Variants in FMN1 observed in about 807,000 individuals in gnomAD.
FMN1 encodes formin 1.
A neutral mutation model predicts 132.4 loss-of-function variants in FMN1; 110 were observed. The ratio of observed to expected loss-of-function variants is 0.83; its 90% CI spans 0.71 to 0.97. The LOEUF (loss-of-function observed/expected upper bound fraction) is 0.97. FMN1 is among the 50% of genes least tolerant of loss of function. The pLI, the probability that FMN1 is intolerant of heterozygous loss-of-function variation, is 0.00. For synonymous variants in FMN1, 722 were observed against 651.7 expected (o/e 1.11, Z -1.64); for missense variants, 1,792 against 1,705.3 (o/e 1.05, Z -0.90).
At chr15:33,139,642 A>G (rs1023467488) in intron 4 of FMN1, among the ~76,000 whole-genome samples, 2 of 152,198 alleles carry the variant, frequency 1.3e-5, no homozygotes, top group East Asian at 1.9e-4. Context: ...TTGAAACTCA[A>G]TGTCACTAAA....
chr15:32,951,227 A>C (rs2061645956), intron 9 of FMN1, among the ~76,000 whole-genome samples: 1 of 152,210 alleles, frequency 6.6e-6, no homozygotes, highest in South Asian at 2.1e-4. Flanking sequence ...TTACCTGCCA[A>C]TAGCTGGCAT....
intron 4 of FMN1, among the ~76,000 whole-genome samples, chr15:33,120,164 G>C (rs554570557): frequency 6.6e-6 from 1 of 152,318 alleles, no homozygotes; most frequent in Non-Finnish European, 1.5e-5. Flanking sequence ...GAGCAGCATA[G>C]TGAAATGAAA....
Position 32,771,300 on chromosome 15 carries a change from A to T in FMN1, c.*3010T>A, listed in dbSNP as rs182325964. The T allele has an allele frequency of 8.4e-3, 1,276 of 151,412 alleles. 24 individuals are homozygous for T. The highest frequency in any genetic ancestry group is 0.029 in the African/African-American group (1,209 of 41,192). The allele number at this position is 151,412 out of a possible 1,614,324, so 9.4% of individuals were successfully genotyped here. A position where few individuals can be genotyped will look rare whatever the true frequency, so the allele number is the denominator to read the frequency against. On this transcript the variant is annotated 3_prime_UTR_variant, in exon 21 of 21. Transcript: ENST00000616417. The stretch of plus-strand genomic sequence containing the variant: ...TCACCGTGTTAGCCAGGATGGTCTC[A>T]ATCTCCTGACCTCGTGATCCGCCCC...
intron 6 of FMN1, among the ~76,000 whole-genome samples, chr15:33,061,304 G>C (rs1288728101): frequency 6.6e-6 from 1 of 152,258 alleles, no homozygotes; most frequent in African/African-American, 2.4e-5. Context: ...CGAGTCACTA[G>C]AGGCTTAGGA....
chr15:32,977,039 G>T (rs563537980), intron 7 of FMN1, among the ~76,000 whole-genome samples: 1 of 152,242 alleles, frequency 6.6e-6, no homozygotes, highest in Non-Finnish European at 1.5e-5. Flanking sequence ...TGCTCTTTCT[G>T]CCTTAATATT....
chr15:32,977,651 AC>A (rs1417699083), intron 7 of FMN1, among the ~76,000 whole-genome samples: 1 of 152,190 alleles, frequency 6.6e-6, no homozygotes, highest in Non-Finnish European at 1.5e-5. Flanking sequence ...AGTAATTTCC[AC>A]ACCCAAGACT....
rs2056076081 is a variant in FMN1 at position 32,767,160 on chromosome 15, A to T, written c.*7150T>A. ...AAAATCACCAGCTCCCTAACAATGT[A>T]ATCTATCAGCAAAACATTGCACTAG... On this transcript the variant is annotated 3_prime_UTR_variant, in exon 21 of 21. Transcript: ENST00000616417. 1 of 152,204 alleles carries T rather than the reference A, an allele frequency of 6.6e-6. No homozygotes were observed. The highest frequency in any genetic ancestry group is 1.5e-5 in the Non-Finnish European group (1 of 68,036). The allele number at this position is 152,204 out of a possible 1,614,324, so 9.4% of individuals were successfully genotyped here. A position where few individuals can be genotyped will look rare whatever the true frequency, so the allele number is the denominator to read the frequency against.
At chr15:32,917,013 G>T (rs545948726) in intron 10 of FMN1, among the ~76,000 whole-genome samples, 2 of 152,250 alleles carry the variant, frequency 1.3e-5, no homozygotes, top group African/African-American at 4.8e-5. Context: ...GGGTTCATGG[G>T]AAGAGGCAGT....
At chr15:32,927,754 C>T (rs748571610) in intron 9 of FMN1, among the ~76,000 whole-genome samples, 1 of 152,196 alleles carries the variant, frequency 6.6e-6, no homozygotes, top group African/African-American at 2.4e-5. Context: ...AAAAAACTCT[C>T]TTTCCTCTCA....
intron 17 of FMN1, among the ~76,000 whole-genome samples, chr15:32,828,740 C>A (rs1353054763): frequency 2.0e-5 from 3 of 152,172 alleles, no homozygotes; most frequent in African/African-American, 7.2e-5. Flanking sequence ...CATGTTCCCT[C>A]TTAACCAAAT....
intron 9 of FMN1, among the ~76,000 whole-genome samples, chr15:32,950,383 A>C (rs982992659): frequency 6.6e-6 from 1 of 152,050 alleles, no homozygotes; most frequent in African/African-American, 2.4e-5. Context: ...AGACATATGC[A>C]CATGTATGTT....
At chr15:33,016,572 A>G (rs1461541147) in intron 6 of FMN1, among the ~76,000 whole-genome samples, 2 of 152,218 alleles carry the variant, frequency 1.3e-5, no homozygotes, top group Non-Finnish European at 2.9e-5. Flanking sequence ...GAAAGTAGTC[A>G]ACAGCTGCCA....
At chr15:33,158,820 G>A (rs1964779639) in intron 3 of FMN1, among the ~76,000 whole-genome samples, 1 of 152,200 alleles carries the variant, frequency 6.6e-6, no homozygotes, top group Non-Finnish European at 1.5e-5. Flanking sequence ...AGGTCTTTCA[G>A]TATTCCAGAA....
chr15:32,978,529 T>A (rs961270664), intron 7 of FMN1, among the ~76,000 whole-genome samples: 1 of 152,210 alleles, frequency 6.6e-6, no homozygotes, highest in South Asian at 2.1e-4. Flanking sequence ...TGAGCCAACA[T>A]ACTAATTCCT....
At chr15:32,891,903 T>C (rs538226172) in intron 15 of FMN1, among the ~76,000 whole-genome samples, 21 of 152,058 alleles carry the variant, frequency 1.4e-4, no homozygotes, top group African/African-American at 4.6e-4. Context: ...TGTACATTAA[T>C]CTTGTATCCT....
intron 17 of FMN1, among the ~76,000 whole-genome samples, chr15:32,809,487 C>G (rs1289255796): frequency 1.3e-5 from 2 of 152,160 alleles, no homozygotes; most frequent in Non-Finnish European, 2.9e-5. Flanking sequence ...CTCCTGCCAT[C>G]CCCATACTAT....
At chr15:33,001,949 G>A (rs180863998) in intron 7 of FMN1, among the ~76,000 whole-genome samples, 1 of 152,048 alleles carries the variant, frequency 6.6e-6, no homozygotes, top group Admixed American at 6.5e-5. Flanking sequence ...ATAATCAACT[G>A]TCCAATCCAA....
intron 17 of FMN1, among the ~76,000 whole-genome samples, chr15:32,821,344 C>T (rs1212103375): frequency 6.6e-6 from 1 of 151,712 alleles, no homozygotes; most frequent in Non-Finnish European, 1.5e-5. Context: ...ACTTTTTCAC[C>T]TTTTCCTAAC....
At chr15:33,016,778 G>A (rs1335074452) in intron 6 of FMN1, among the ~76,000 whole-genome samples, 1 of 152,146 alleles carries the variant, frequency 6.6e-6, no homozygotes, top group Admixed American at 6.5e-5. Context: ...CTTCCCCGGT[G>A]TCCCACACAC....
Sources: allele counts gnomAD v4.1 joint callset (sites outside exome capture counted in the v4.1 genomes callset), GRCh38; gene constraint gnomAD v4.1.1; transcripts MANE v1.5; gene names NCBI Gene and HGNC (gene_info 2026-07-23, HGNC 2026-07-21).